AKR1C3: variants seen among roughly 807,000 people sequenced by gnomAD.
The protein encoded by AKR1C3 is aldo-keto reductase family 1 member C3.
A neutral mutation model predicts 43.6 loss-of-function variants in AKR1C3; 48 were observed. The ratio of observed to expected loss-of-function variants is 1.10; its 90% CI spans 0.87 to 1.40. The LOEUF is 1.40. Ranked by LOEUF, AKR1C3 falls within the 40% of genes most tolerant of loss-of-function variation. The pLI is 0.00. For missense variants in AKR1C3, 482 were observed against 391.2 expected (o/e 1.23, Z -1.96); for synonymous variants, 162 against 139.6 (o/e 1.16, Z -1.13).
intron 1 of AKR1C3, among the ~76,000 whole-genome samples, chr10:5,081,141 T>C (rs2131817334): frequency 6.6e-6 from 1 of 152,280 alleles, no homozygotes; most frequent in East Asian, 1.9e-4. Context: ...TATGGAAAAT[T>C]TGAAACTTCT....
intron 1 of AKR1C3, among the ~76,000 whole-genome samples, chr10:5,070,951 G>C (rs1165051384): frequency 5.3e-5 from 8 of 152,142 alleles, no homozygotes; most frequent in African/African-American, 1.9e-4. Context: ...CAGTGTTTTG[G>C]GGGTATTTTA....
chr10:5,105,604 T>C lies in AKR1C3; in HGVS notation c.856T>C (p.Phe286Leu). 1 of 1,613,796 alleles carries C rather than the reference T, an allele frequency of 6.2e-7. No individual in the cohort carries two copies. The highest frequency in any genetic ancestry group is 8.5e-7 in the Non-Finnish European group (1 of 1,179,796). The change falls in exon 8 of 9, where the codon TTC (phenylalanine) becomes CTC (leucine). Residue 286 changes from phenylalanine (F) to leucine (L), a missense_variant. Phe to Leu is a conservative substitution (Grantham distance 22, BLOSUM62 0). Transcript: ENST00000380554. ...RIRQNVQVFEFQLTAEDMKAI... is the reference protein window; with the variant it reads ...RIRQNVQVFELQLTAEDMKAI... ...TTTTTATTTCTGATAGGTTTTTGAG[T>C]TCCAGTTGACTGCAGAGGACATGAA...
chr10:5,072,440 T>G (rs1554781407), intron 1 of AKR1C3, among the ~76,000 whole-genome samples: 1 of 152,256 alleles, frequency 6.6e-6, no homozygotes, highest in Non-Finnish European at 1.5e-5. Context: ...TCTTAGACTA[T>G]TTTCTTAAGA....
At chr10:5,099,298 A>G (rs782535283) in intron 4 of AKR1C3, 29 bp from the exon 5 acceptor site, 3 of 1,613,832 alleles carry the variant, frequency 1.9e-6, no homozygotes, top group East Asian at 2.2e-5. Flanking sequence ...AACTGCACAA[A>G]TAATTCCTCA....
intron 8 of AKR1C3, 71 bp from the exon 9 acceptor site, chr10:5,107,390 A>G: frequency 8.9e-7 from 1 of 1,128,376 alleles, no homozygotes; most frequent in South Asian, 1.3e-5. Context: ...TGACAGCTTC[A>G]TTGAAATCAC....
chr10:5,097,548 A>G lies in AKR1C3; in HGVS notation c.367A>G (p.Lys123Glu), dbSNP rs782136936. Residue 123 changes from lysine to glutamate, a missense_variant and splice_region_variant, in exon 3 of 9, where the codon AAG becomes GAG. Transcript: ENST00000380554. Reference protein sequence around the residue: ...LYLIHSPMSLKPGEELSPTDE... With the variant: ...LYLIHSPMSLEPGEELSPTDE... ...TCTTATTCATTCTCCAATGTCTCTA[A>G]AGGTATGCAGTTTGTATGAGCATAA... 2 of 1,613,518 alleles carry G rather than the reference A, an allele frequency of 1.2e-6. No homozygotes were observed.
At chr10:5,052,739 G>A (rs1554779101) in intron 1 of AKR1C3, among the ~76,000 whole-genome samples, 1 of 152,092 alleles carries the variant, frequency 6.6e-6, no homozygotes, top group African/African-American at 2.4e-5. Context: ...AGATTAGCTA[G>A]ATACAGAGTG....
chr10:5,100,546 AAATTGACTTCCCCC>A (rs1349523692), intron 5 of AKR1C3, among the ~76,000 whole-genome samples: 1 of 152,164 alleles, frequency 6.6e-6, no homozygotes, highest in Non-Finnish European at 1.5e-5. Flanking sequence ...CTCCTTGATC[AAATTGACTTCCCCC>A]AAATGTCACA....
chr10:5,075,501 T>C (rs1024864268), intron 1 of AKR1C3, among the ~76,000 whole-genome samples: 13 of 152,086 alleles, frequency 8.5e-5, no homozygotes, highest in African/African-American at 3.1e-4. Context: ...TGTCGGACCA[T>C]AAAGGATTGA....
At position 5,080,340 on chromosome 10, in the gene AKR1C3, C is replaced by T. The variant is rs540382304; in HGVS notation, c.85-16070C>T. 3.9e-5 allele frequency among the ~76,000 whole-genome samples: 6 copies of T among 152,284 alleles called. No individual in the cohort carries two copies. In the South Asian group the frequency reaches 1.0e-3, roughly 26 times the overall value. Reference sequence around the variant, plus strand: ...TTGTAATTATAAGATTTCTCAGAGCCTGGCTGGGTGCGGTAGCTAATGTCT... The same window carrying T: ...TTGTAATTATAAGATTTCTCAGAGCTTGGCTGGGTGCGGTAGCTAATGTCT... On this transcript the variant is annotated intron_variant, in intron 1 of 8. Coordinates refer to the AKR1C3 transcript ENST00000439082.
intron 7 of AKR1C3, among the ~76,000 whole-genome samples, chr10:5,104,405 T>G (rs71477902): frequency 1.3e-5 from 2 of 152,114 alleles, no homozygotes; most frequent in African/African-American, 4.8e-5. Flanking sequence ...CTACCATAAA[T>G]GAAACATTCA....
At chr10:5,104,240 A>T (rs1348406926) in intron 7 of AKR1C3, among the ~76,000 whole-genome samples, 2 of 152,150 alleles carry the variant, frequency 1.3e-5, no homozygotes, top group African/African-American at 4.8e-5. Context: ...CTCTTTACTT[A>T]TAAATTAGTT....
At chr10:5,086,799 C>G (rs187557529) in intron 1 of AKR1C3, among the ~76,000 whole-genome samples, 1 of 152,294 alleles carries the variant, frequency 6.6e-6, no homozygotes, top group African/African-American at 2.4e-5. Context: ...GTTAGCTCTT[C>G]TTGTTGAATT....
At chr10:5,058,533 T>C (rs1838310231) in intron 1 of AKR1C3, among the ~76,000 whole-genome samples, 3 of 152,080 alleles carry the variant, frequency 2.0e-5, no homozygotes, top group Non-Finnish European at 2.9e-5. Flanking sequence ...AAAGACAAAA[T>C]TGCCTGTGGT....
chr10:5,094,787 T>TA (rs1839171161), intron 1 of AKR1C3, among the ~76,000 whole-genome samples: 1 of 152,170 alleles, frequency 6.6e-6, no homozygotes, highest in African/African-American at 2.4e-5. Context: ...GCAGAATATG[T>TA]AAAACTCAGT....
chr10:5,096,491 A>G lies in AKR1C3; in HGVS notation c.166A>G (p.Asn56Asp). ...CCATATAGATTCTGCTCATTTATAC[A>G]ATAATGAGGAGCAGGTTGGACTGGC... ...FRHIDSAHLY[N>D]NEEQVGLAIR... Residue 56 changes from asparagine (N) to aspartate (D), a missense_variant, in exon 2 of 9, where the codon AAT becomes GAT. Physicochemically the swap from Asn to Asp is conservative, Grantham distance 23 (BLOSUM62 1). Transcript: ENST00000380554. The G allele has an allele frequency of 1.2e-6, 2 of 1,613,658 alleles. No individual in the cohort carries two copies. The highest frequency in any genetic ancestry group is 1.7e-6 in the Non-Finnish European group (2 of 1,179,794).
chr10:5,104,081 C>T (rs1554786623), intron 7 of AKR1C3, among the ~76,000 whole-genome samples: 1 of 152,022 alleles, frequency 6.6e-6, no homozygotes, highest in Non-Finnish European at 1.5e-5. Flanking sequence ...GTGGTTTTCT[C>T]TGTAGTTATG....
intron 5 of AKR1C3, among the ~76,000 whole-genome samples, chr10:5,100,554 T>G (rs1321629391): frequency 6.6e-6 from 1 of 152,218 alleles, no homozygotes; most frequent in Admixed American, 6.5e-5. Context: ...TCAAATTGAC[T>G]TCCCCCAAAT....
At chr10:5,076,541 A>G (rs539340223) in intron 1 of AKR1C3, among the ~76,000 whole-genome samples, 3 of 152,244 alleles carry the variant, frequency 2.0e-5, no homozygotes, top group South Asian at 2.1e-4. Flanking sequence ...GCAGTTTCCA[A>G]TGTTCAGCTT....
Sources: allele counts gnomAD v4.1 joint callset (sites outside exome capture counted in the v4.1 genomes callset), GRCh38; gene constraint gnomAD v4.1.1; transcripts MANE v1.5; gene names NCBI Gene and HGNC (gene_info 2026-07-23, HGNC 2026-07-21).